Variants in FKBP1B observed in about 807,000 individuals in gnomAD.
FKBP1B encodes peptidyl-prolyl cis-trans isomerase FKBP1B.
Under a neutral mutation model 13.5 loss-of-function variants are expected in FKBP1B, and 4 were observed. That is an observed-to-expected ratio of 0.30 (90% CI 0.15 to 0.68). The LOEUF is 0.68. FKBP1B is among the 30% of genes least tolerant of loss of function. The probability of loss-of-function intolerance (pLI) is 0.76; values close to 1 mark genes in which losing one functional copy is unlikely to be tolerated. For missense variants in FKBP1B, 93 were observed against 136.2 expected (o/e 0.68, Z 1.58); for synonymous variants, 54 against 53.6 (o/e 1.01, Z -0.03).
At chr2:24,044,432 A>G in the FKBP1B span, among the ~76,000 whole-genome samples, 2 of 151,924 alleles carry the variant, frequency 1.3e-5, no homozygotes, top group Non-Finnish European at 2.9e-5. Context: ...ATGCCCAGCT[A>G]ATTTTTATAT....
chr2:24,045,619 AAG>A (rs1258646775), upstream of FKBP1B, among the ~76,000 whole-genome samples: 4 of 87,846 alleles, frequency 4.6e-5, no homozygotes, highest in Middle Eastern at 5.7e-3. Flanking sequence ...AAAAAAAAAA[AAG>A]AGAGAGAGAG....
At chr2:24,062,015 G>A (rs990786198) in intron 3 of FKBP1B, among the ~76,000 whole-genome samples, 8 of 149,724 alleles carry the variant, frequency 5.3e-5, no homozygotes, top group South Asian at 2.2e-4. Flanking sequence ...GACTACAGGC[G>A]CCCGCCACCA....
Position 24,053,878 on chromosome 2 carries a change from A to G in FKBP1B, c.38-24A>G, listed in dbSNP as rs779633837. ...TGTTTTTCCAATATCCTACTCCTTC[A>G]TCTGCCCTCATGTCTCCCTGCAGGA... On this transcript the variant is annotated intron_variant, in intron 1 of 3. Transcript: ENST00000380986. 2.5e-5 allele frequency: 40 copies of G among 1,612,996 alleles called. No homozygotes were observed. In the Admixed American group the frequency reaches 5.3e-4, roughly 22 times the overall value.
At chr2:24,039,137 C>A in the FKBP1B span, 3 of 1,614,224 alleles carry the variant, frequency 1.9e-6, no homozygotes, top group Non-Finnish European at 2.5e-6. Context: ...GGGTGCCACA[C>A]ACAGCCCTGG....
chr2:24,034,574 CTTTT>C, the FKBP1B span, among the ~76,000 whole-genome samples: 2 of 138,062 alleles, frequency 1.4e-5, no homozygotes, highest in Admixed American at 7.4e-5. Flanking sequence ...GGCAACAAAA[CTTTT>C]TTTTTTTTTT....
Position 24,063,472 on chromosome 2 carries a change from CTCTTGTTCG to C in FKBP1B, c.*281_*289del. Reference sequence around the variant, plus strand: ...CCTTTCCTGATGACAGAACACAGATCTCTTGTTCGCACAATCTACACTGCCTTACCTTCA... The same window carrying C: ...CCTTTCCTGATGACAGAACACAGATCCACAATCTACACTGCCTTACCTTCA... On this transcript the variant is annotated 3_prime_UTR_variant, in exon 4 of 4. Coordinates refer to ENST00000380986, the MANE Select transcript of FKBP1B (RefSeq NM_004116.5). 2.6e-6 allele frequency: 1 copy of C among 387,512 alleles called. No homozygotes were observed. Among genetic ancestry groups the C allele is most frequent in the Non-Finnish European group, 4.6e-6 (1 of 216,506 alleles). 24.0% of individuals were successfully genotyped at this position (387,512 alleles called of 1,614,324 possible).
the FKBP1B span, among the ~76,000 whole-genome samples, chr2:24,044,270 T>C: frequency 6.6e-6 from 1 of 151,954 alleles, no homozygotes; most frequent in Non-Finnish European, 1.5e-5. Context: ...ACTGAGGTTT[T>C]TTTTTGGGGG....
chr2:24,063,253 G>A lies in FKBP1B; in HGVS notation c.*61G>A, dbSNP rs1201166129. 2 of 1,482,406 alleles carry A rather than the reference G, an allele frequency of 1.3e-6. No individual in the cohort carries two copies. Among genetic ancestry groups the A allele is most frequent in the Non-Finnish European group, 1.8e-6 (2 of 1,111,630 alleles). 91.8% of individuals were successfully genotyped at this position (1,482,406 alleles called of 1,614,324 possible). ...GCTGCTCACCCTCCTAGCCTGCTCT[G>A]CCACTGGGACGGCTCCTGCTTTTGG... is the stretch of plus-strand genomic sequence containing the variant. On this transcript the variant is annotated 3_prime_UTR_variant, in exon 4 of 4. Coordinates refer to ENST00000380986, the MANE Select transcript of FKBP1B (RefSeq NM_004116.5).
intron 3 of FKBP1B, among the ~76,000 whole-genome samples, chr2:24,061,204 C>A (rs1191687578): frequency 2.0e-5 from 3 of 152,204 alleles, no homozygotes; most frequent in African/African-American, 7.2e-5. Context: ...GTGGCTCACA[C>A]CTGTAATCCC....
At chr2:24,039,820 G>A in the FKBP1B span, among the ~76,000 whole-genome samples, 7,945 of 151,126 alleles carry the variant, frequency 0.053, 300 homozygotes, top group East Asian at 0.19. Context: ...TTTTTGAGAC[G>A]GAGTCTCACT....
At chr2:24,044,310 C>T in the FKBP1B span, among the ~76,000 whole-genome samples, 1 of 151,996 alleles carries the variant, frequency 6.6e-6, no homozygotes, top group Non-Finnish European at 1.5e-5. Flanking sequence ...TGCTCCGTTA[C>T]CCAGGCTGGA....
At chr2:24,062,167 G>GT (rs1472460986) in intron 3 of FKBP1B, among the ~76,000 whole-genome samples, 1 of 151,392 alleles carries the variant, frequency 6.6e-6, no homozygotes, top group Non-Finnish European at 1.5e-5. Flanking sequence ...CCTGTTTTTT[G>GT]TTTTTTATTT....
Position 24,050,040 on chromosome 2 carries a change from G to T in FKBP1B, c.37+154G>T, listed in dbSNP as rs1663788007. ...GAGACGCCGGACGGGATTCTTGGGGGTCTAGGAGACCATCCTCCGCCATCC... is the reference window on the plus strand; with the variant it reads ...GAGACGCCGGACGGGATTCTTGGGGTTCTAGGAGACCATCCTCCGCCATCC... On this transcript the variant is annotated intron_variant, in intron 1 of 3. Transcript: ENST00000380986. This position sits in a 1 kb window ranked among gnomAD's most constrained non-coding sequence, Gnocchi z 5.8. Among the ~76,000 whole-genome samples the T allele has an allele frequency of 6.6e-6, 1 of 152,154 alleles. No homozygotes were observed. Among genetic ancestry groups the T allele is most frequent in the Non-Finnish European group, 1.5e-5 (1 of 67,946 alleles).
chr2:24,051,197 G>C (rs1284933120), intron 1 of FKBP1B, among the ~76,000 whole-genome samples: 10 of 152,092 alleles, frequency 6.6e-5, no homozygotes, highest in African/African-American at 2.4e-4. Flanking sequence ...AGCTGGGCAT[G>C]GTGGTACGCA....
the FKBP1B span, among the ~76,000 whole-genome samples, chr2:24,034,067 T>C: frequency 6.6e-6 from 1 of 152,234 alleles, no homozygotes; most frequent in Admixed American, 6.5e-5. Context: ...TTTCTTGCTT[T>C]TGATTATTGT....
At chr2:24,039,616 T>C in the FKBP1B span, 1 of 996,970 alleles carries the variant, frequency 1.0e-6, no homozygotes, top group Non-Finnish European at 1.5e-6. Context: ...AGGTTAATAA[T>C]GTGGAGAGAC....
At chr2:24,049,247 T>A (rs966891753), upstream of FKBP1B, among the ~76,000 whole-genome samples, 1 of 152,182 alleles carries the variant, frequency 6.6e-6, no homozygotes, top group East Asian at 1.9e-4. Context: ...GCGCCTCTAG[T>A]CCCAGCTACT....
At position 24,050,208 on chromosome 2, in the gene FKBP1B, C is replaced by G. The variant is rs1194760188; in HGVS notation, c.37+322C>G. The stretch of plus-strand genomic sequence containing the variant: ...GTTCGGTTATCCGCTGCTGCTGATA[C>G]CCCAGCCTGGGTTTCGGCTTCGCTT... On this transcript the variant is annotated intron_variant, in intron 1 of 3. Transcript: ENST00000380986. This position sits in a 1 kb window ranked among gnomAD's most constrained non-coding sequence, Gnocchi z 5.8. 6.6e-6 allele frequency among the ~76,000 whole-genome samples: 1 copy of G among 152,166 alleles called. No homozygotes were observed. Among genetic ancestry groups the G allele is most frequent in the African/African-American group, 2.4e-5 (1 of 41,440 alleles).
chr2:24,040,481 A>T, the FKBP1B span, among the ~76,000 whole-genome samples: 3 of 152,208 alleles, frequency 2.0e-5, no homozygotes, highest in African/African-American at 7.2e-5. Flanking sequence ...CACTTATTTC[A>T]AATCCTTCCA....
Sources: gnomAD v4.1 joint callset for allele counts (sites outside exome capture counted in the v4.1 genomes callset) on GRCh38, gnomAD v4.1.1 for gene constraint, Gnocchi (gnomAD v3.1) non-coding constraint, MANE v1.5 for transcripts, NCBI Gene and HGNC (gene_info 2026-07-23, HGNC 2026-07-21) for gene names.